SND1: variants seen among roughly 807,000 people sequenced by gnomAD.
SND1 encodes the protein staphylococcal nuclease domain-containing protein 1.
In SND1, 38 loss-of-function variants were observed where a neutral mutation model predicts 121.7. The ratio of observed to expected loss-of-function variants is 0.31; its 90% confidence interval spans 0.24 to 0.41. SND1 has a LOEUF of 0.41. Ranked by LOEUF, SND1 falls within the 10% of genes least tolerant of loss-of-function variation. The probability of loss-of-function intolerance (pLI) is 1.00; values close to 1 mark genes in which losing one functional copy is unlikely to be tolerated. For missense variants in SND1, 868 were observed against 1,184.6 expected, an observed-to-expected ratio of 0.73 and a Z score of 3.92; for synonymous variants, 401 against 447.4, an observed-to-expected ratio of 0.90 and a Z score of 1.31.
chr7:127,721,436 A>C lies in SND1; in HGVS notation c.1152+36A>C, dbSNP rs762504713. 3.3e-6 allele frequency: 4 copies of C among 1,211,822 alleles called. No individual in the cohort carries two copies. In the South Asian group the frequency reaches 4.8e-5, roughly 15 times the overall value. The allele number at this position is 1,211,822 out of a possible 1,614,324, so 75.1% of individuals were successfully genotyped here. A position where few individuals can be genotyped will look rare whatever the true frequency, so the allele number is the denominator to read the frequency against. On this transcript the variant is annotated intron_variant, in intron 10 of 23. Transcript: ENST00000354725. ...GGAAGCAGCCGCGCCTCTTTGCATA[A>C]ACCAAAAGGAAGAAGTTGGAGAATT... is the stretch of plus-strand genomic sequence containing the variant.
At chr7:127,816,206 G>A (rs1389435259) in intron 11 of SND1, among the ~76,000 whole-genome samples, 1 of 152,146 alleles carries the variant, frequency 6.6e-6, no homozygotes, top group African/African-American at 2.4e-5. Context: ...TTAGTAATTA[G>A]CAGCATTTTG....
At chr7:128,016,343 C>T (rs906565138) in intron 16 of SND1, among the ~76,000 whole-genome samples, 2 of 151,938 alleles carry the variant, frequency 1.3e-5, no homozygotes, top group East Asian at 3.9e-4. Flanking sequence ...TTCTATACAA[C>T]TTGGGGTGTT....
chr7:127,689,709 A>G (rs969047997), intron 2 of SND1, among the ~76,000 whole-genome samples: 2 of 152,126 alleles, frequency 1.3e-5, no homozygotes, highest in African/African-American at 2.4e-5. Context: ...TTCTCCTGGT[A>G]ACTCTTCAGA....
intron 16 of SND1, among the ~76,000 whole-genome samples, chr7:128,026,225 CTTTCTTTTTATT>C (rs200462982): frequency 6.6e-6 from 1 of 151,966 alleles, no homozygotes; most frequent in East Asian, 1.9e-4. Flanking sequence ...CTGCAGTTTT[CTTTCTTTTTATT>C]GGGGGTATGG....
chr7:127,663,015 T>TGG (rs1795345696), intron 1 of SND1, among the ~76,000 whole-genome samples: 1 of 151,280 alleles, frequency 6.6e-6, no homozygotes, highest in Non-Finnish European at 1.5e-5. Flanking sequence ...CTCAGCCCGC[T>TGG]GAGTAGCTGG....
At chr7:127,715,882 T>C (rs962841749) in intron 9 of SND1, among the ~76,000 whole-genome samples, 72 of 152,362 alleles carry the variant, frequency 4.7e-4, no homozygotes, top group African/African-American at 1.7e-3. Context: ...ATTTTGAGTT[T>C]GTTTTTAGTT....
At chr7:128,032,310 C>T (rs1455024794) in intron 16 of SND1, among the ~76,000 whole-genome samples, 2 of 150,722 alleles carry the variant, frequency 1.3e-5, no homozygotes, top group African/African-American at 4.9e-5. Flanking sequence ...CCTCTCTCCC[C>T]CTCCCCCCTC....
chr7:127,758,920 G>A (rs1422793729), intron 10 of SND1, among the ~76,000 whole-genome samples: 1 of 152,144 alleles, frequency 6.6e-6, no homozygotes, highest in Non-Finnish European at 1.5e-5. Context: ...TGGGCATGGT[G>A]GTGCATGCCT....
chr7:128,046,930 ACTT>A (rs1792959491), intron 16 of SND1, among the ~76,000 whole-genome samples: 1 of 152,108 alleles, frequency 6.6e-6, no homozygotes, highest in African/African-American at 2.4e-5. Flanking sequence ...TACTCTTACC[ACTT>A]CTTTGAAAGT....
intron 11 of SND1, among the ~76,000 whole-genome samples, chr7:127,809,693 G>A (rs1798299212): frequency 6.6e-6 from 1 of 152,204 alleles, no homozygotes; most frequent in Non-Finnish European, 1.5e-5. Flanking sequence ...GATAATGGAG[G>A]TAAAATCATC....
At chr7:127,838,572 C>T (rs549874969) in intron 11 of SND1, among the ~76,000 whole-genome samples, 1 of 152,086 alleles carries the variant, frequency 6.6e-6, no homozygotes, top group Admixed American at 6.5e-5. Context: ...ATAAAATATC[C>T]AATAACTGGT....
intron 3 of SND1, among the ~76,000 whole-genome samples, chr7:127,695,376 G>GT (rs1294584255): frequency 1.3e-5 from 2 of 152,276 alleles, no homozygotes; most frequent in African/African-American, 2.4e-5. Flanking sequence ...AGGGCCTGTG[G>GT]TTTTTTGCAG....
intron 16 of SND1, among the ~76,000 whole-genome samples, chr7:128,049,256 T>C (rs1351324984): frequency 6.6e-6 from 1 of 152,182 alleles, no homozygotes; most frequent in Non-Finnish European, 1.5e-5. Context: ...TCTGGGGGAC[T>C]TGATCCACTC....
rs1336686710 is a variant in SND1 at position 128,051,511 on chromosome 7, T to C, written c.1780-22991T>C. Among the ~76,000 whole-genome samples, 7 of 152,330 alleles carry C rather than the reference T, an allele frequency of 4.6e-5. No homozygotes were observed. The East Asian group carries it at 1.4e-3, about 29-fold the overall frequency. On this transcript the variant is annotated intron_variant, in intron 16 of 23. Coordinates refer to ENST00000354725, the MANE Select transcript of SND1 (RefSeq NM_014390.4). ...ACTGTAGCTAACAGTGTGAAGTGACTGATAAAAATTGCATTCATAGAGAAA... is the reference window on the plus strand; with the variant it reads ...ACTGTAGCTAACAGTGTGAAGTGACCGATAAAAATTGCATTCATAGAGAAA...
intron 13 of SND1, among the ~76,000 whole-genome samples, chr7:127,903,189 TTTTTA>T (rs1364192360): frequency 6.6e-6 from 1 of 152,134 alleles, no homozygotes; most frequent in East Asian, 1.9e-4. Context: ...GCCCGATTTT[TTTTTA>T]TTTTATTTTT....
rs1315282633 is a variant in SND1 at position 128,020,718 on chromosome 7, T to TA, written c.1779+29663dup. ...CCACTAGTCGGAGTGGATGTGGACT[T>TA]ACACATGAAGGGGGAAGGATTAAGG... On this transcript the variant is annotated intron_variant, in intron 16 of 23. Transcript: ENST00000354725. 2.0e-5 allele frequency among the ~76,000 whole-genome samples: 3 copies of TA among 152,256 alleles called. No homozygotes were observed. In the East Asian group the frequency reaches 5.8e-4, roughly 29 times the overall value.
chr7:127,990,617 G>A (rs990648515), intron 15 of SND1, among the ~76,000 whole-genome samples: 22 of 152,186 alleles, frequency 1.4e-4, no homozygotes, highest in African/African-American at 5.3e-4. Flanking sequence ...GCGAGACTAT[G>A]GGACCGTCAG....
intron 10 of SND1, among the ~76,000 whole-genome samples, chr7:127,793,128 A>G (rs942298912): frequency 2.6e-5 from 4 of 152,176 alleles, no homozygotes; most frequent in Non-Finnish European, 5.9e-5. Flanking sequence ...AGCACGCATT[A>G]TGTGTTGAAA....
intron 12 of SND1, among the ~76,000 whole-genome samples, chr7:127,864,756 C>A (rs931024677): frequency 1.3e-5 from 2 of 152,152 alleles, no homozygotes; most frequent in Non-Finnish European, 2.9e-5. Context: ...GACAGTTTTT[C>A]TTTATTTTCA....
Sources: allele counts gnomAD v4.1 joint callset (sites outside exome capture counted in the v4.1 genomes callset), GRCh38; gene constraint gnomAD v4.1.1; transcripts MANE v1.5; gene names NCBI Gene and HGNC (gene_info 2026-07-23, HGNC 2026-07-21).